The following LRFN5 variants were observed in gnomAD, a reference collection of about 807,000 sequenced individuals.
The protein encoded by LRFN5 is leucine rich repeat and fibronectin type III domain containing 5, also known as leucine-rich repeat and fibronectin type-III domain-containing protein 5.
In LRFN5, 24 loss-of-function variants were observed where a neutral mutation model predicts 45.6. The observed-to-expected ratio is 0.53, with a 90% CI of 0.38 to 0.74. The LOEUF is 0.74. Ranked by LOEUF, LRFN5 falls within the 30% of genes least tolerant of loss-of-function variation. LRFN5 has a pLI of 0.00. For missense variants in LRFN5, 776 were observed against 861.5 expected, an observed-to-expected ratio of 0.90 and a Z score of 1.24; for synonymous variants, 340 against 313.8, an observed-to-expected ratio of 1.08 and a Z score of -0.88.
chr14:41,767,349 C>T (rs1885922675), intron 2 of LRFN5, among the ~76,000 whole-genome samples: 1 of 151,806 alleles, frequency 6.6e-6, no homozygotes, highest in Non-Finnish European at 1.5e-5. Flanking sequence ...ACAATGTTTG[C>T]AAATGAATAA....
chr14:41,890,816 G>C (rs1489253547), intron 3 of LRFN5, among the ~76,000 whole-genome samples: 19 of 152,034 alleles, frequency 1.2e-4, no homozygotes, highest in African/African-American at 4.6e-4. Context: ...TCTAAAATGC[G>C]TATCTATTTT....
intron 1 of LRFN5, among the ~76,000 whole-genome samples, chr14:41,609,930 A>G (rs1038849592): frequency 1.3e-5 from 2 of 152,178 alleles, no homozygotes; most frequent in Non-Finnish European, 2.9e-5. Flanking sequence ...TAGCTGGCCG[A>G]TAGCTGCTCT....
intron 2 of LRFN5, among the ~76,000 whole-genome samples, chr14:41,878,723 A>G (rs1388917827): frequency 6.6e-6 from 1 of 152,162 alleles, no homozygotes; most frequent in Non-Finnish European, 1.5e-5. Context: ...AAATAGACAG[A>G]TCGTGCTTGA....
chr14:41,811,329 A>G (rs1468028077), intron 2 of LRFN5, among the ~76,000 whole-genome samples: 1 of 152,068 alleles, frequency 6.6e-6, no homozygotes, highest in Non-Finnish European at 1.5e-5. Flanking sequence ...ATGGGAGTGT[A>G]AAATATTGAA....
chr14:41,816,580 A>AACACTAT (rs1481312761), intron 2 of LRFN5, among the ~76,000 whole-genome samples: 1 of 151,986 alleles, frequency 6.6e-6, no homozygotes, highest in East Asian at 1.9e-4. Context: ...TTTCTCTGTC[A>AACACTAT]ACACTATACA....
chr14:41,664,518 TG>T (rs1880806768), intron 1 of LRFN5, among the ~76,000 whole-genome samples: 1 of 151,908 alleles, frequency 6.6e-6, no homozygotes, highest in South Asian at 2.1e-4. Context: ...CTTTCTAGGC[TG>T]GGCAGAATGG....
At chr14:41,810,530 C>A (rs1887701622) in intron 2 of LRFN5, among the ~76,000 whole-genome samples, 1 of 151,916 alleles carries the variant, frequency 6.6e-6, no homozygotes, top group Non-Finnish European at 1.5e-5. Flanking sequence ...CTATCAGATC[C>A]AGATAAAATA....
intron 1 of LRFN5, among the ~76,000 whole-genome samples, chr14:41,694,248 A>C (rs886504564): frequency 6.6e-6 from 1 of 151,982 alleles, no homozygotes; most frequent in African/African-American, 2.4e-5. Context: ...TTATCATTGA[A>C]TGTACTCACA....
At chr14:41,730,769 T>C (rs1027958003) in intron 1 of LRFN5, among the ~76,000 whole-genome samples, 2 of 151,896 alleles carry the variant, frequency 1.3e-5, no homozygotes, top group Admixed American at 1.3e-4. Context: ...TATATCTGTA[T>C]GATTTTATTA....
intron 1 of LRFN5, among the ~76,000 whole-genome samples, chr14:41,703,014 C>A (rs1227136558): frequency 6.6e-6 from 1 of 151,928 alleles, no homozygotes; most frequent in Non-Finnish European, 1.5e-5. Context: ...TTAAAAGATC[C>A]TTTTAGCTCT....
chr14:41,759,190 G>C (rs574682201), intron 1 of LRFN5, among the ~76,000 whole-genome samples: 1 of 151,942 alleles, frequency 6.6e-6, no homozygotes, highest in East Asian at 1.9e-4. Context: ...TTCCCAAAAA[G>C]GTGCTTCTCG....
At chr14:41,735,104 C>G (rs1266644629) in intron 1 of LRFN5, among the ~76,000 whole-genome samples, 2 of 151,896 alleles carry the variant, frequency 1.3e-5, no homozygotes, top group African/African-American at 2.4e-5. Flanking sequence ...GAGTTTTACT[C>G]GACTTATTTT....
chr14:41,626,915 A>T (rs1344093194), intron 1 of LRFN5, among the ~76,000 whole-genome samples: 1 of 152,122 alleles, frequency 6.6e-6, no homozygotes, highest in Non-Finnish European at 1.5e-5. Flanking sequence ...TTGGGTTTGT[A>T]CAGAAGAATG....
intron 2 of LRFN5, among the ~76,000 whole-genome samples, chr14:41,865,162 T>A (rs912897785): frequency 1.3e-5 from 2 of 152,094 alleles, no homozygotes; most frequent in Admixed American, 6.6e-5. Flanking sequence ...TGTGCCACCA[T>A]TACCATAATC....
chr14:41,760,887 C>G (rs940898320), intron 1 of LRFN5, among the ~76,000 whole-genome samples: 12 of 152,046 alleles, frequency 7.9e-5, no homozygotes, highest in African/African-American at 2.9e-4. Flanking sequence ...AATACACTAA[C>G]ACGGAGATTT....
intron 1 of LRFN5, among the ~76,000 whole-genome samples, chr14:41,706,098 T>A (rs867775617): frequency 6.7e-6 from 1 of 149,692 alleles, no homozygotes; most frequent in Non-Finnish European, 1.5e-5. Context: ...GTTCCGGAAC[T>A]TTTTTTTTTG....
intron 2 of LRFN5, among the ~76,000 whole-genome samples, chr14:41,806,168 G>A (rs1218580703): frequency 6.6e-6 from 1 of 152,126 alleles, no homozygotes; most frequent in Non-Finnish European, 1.5e-5. Context: ...AGGAGTCTGA[G>A]AAATAAGCCT....
intron 1 of LRFN5, among the ~76,000 whole-genome samples, chr14:41,711,874 G>A (rs1883298771): frequency 6.6e-6 from 1 of 152,178 alleles, no homozygotes; most frequent in Non-Finnish European, 1.5e-5. Flanking sequence ...ACCGTTTTGT[G>A]TGTGTGCATG....
chr14:41,695,237 G>T (rs963905747), intron 1 of LRFN5, among the ~76,000 whole-genome samples: 1 of 151,898 alleles, frequency 6.6e-6, no homozygotes, highest in Non-Finnish European at 1.5e-5. Context: ...CAGAAGAGAA[G>T]TTTGAAGCTA....
Sources: gnomAD v4.1 joint callset for allele counts (sites outside exome capture counted in the v4.1 genomes callset) on GRCh38, gnomAD v4.1.1 for gene constraint, MANE v1.5 for transcripts, NCBI Gene and HGNC (gene_info 2026-07-23, HGNC 2026-07-21) for gene names.